Variants in VTI1A observed in about 807,000 individuals in gnomAD.
VTI1A encodes vesicle transport through interaction with t-SNAREs homolog 1A.
A neutral mutation model predicts 34.9 loss-of-function variants in VTI1A; 22 were observed. The observed-to-expected ratio is 0.63, with a 90% confidence interval of 0.45 to 0.90. The LOEUF is 0.90. Ranked by LOEUF, VTI1A falls within the 40% of genes least tolerant of loss-of-function variation. The pLI, the probability that VTI1A is intolerant of heterozygous loss-of-function variation, is 0.00. For synonymous variants in VTI1A, 87 were observed against 97.3 expected (o/e 0.89, Z 0.62); for missense variants, 268 against 275.6 (o/e 0.97, Z 0.20).
chr10:112,562,376 G>T (rs910793498), intron 5 of VTI1A, among the ~76,000 whole-genome samples: 14 of 152,164 alleles, frequency 9.2e-5, no homozygotes, highest in African/African-American at 3.4e-4. Flanking sequence ...GTTTATTTCT[G>T]AAAGTAAGTA....
intron 3 of VTI1A, among the ~76,000 whole-genome samples, chr10:112,490,299 A>C (rs1034332014): frequency 2.0e-5 from 3 of 152,274 alleles, no homozygotes; most frequent in African/African-American, 7.2e-5. Context: ...CGGTGATTAA[A>C]TAGCCATCTC....
intron 5 of VTI1A, among the ~76,000 whole-genome samples, chr10:112,612,829 G>A (rs1845369264): frequency 6.6e-6 from 1 of 152,144 alleles, no homozygotes; most frequent in Non-Finnish European, 1.5e-5. Context: ...TTATAATGAA[G>A]CATTTTCCTA....
At chr10:112,506,503 T>C (rs570804562) in intron 3 of VTI1A, among the ~76,000 whole-genome samples, 1 of 152,304 alleles carries the variant, frequency 6.6e-6, no homozygotes, top group East Asian at 1.9e-4. Flanking sequence ...GTCTTTGGGT[T>C]TTTGCAGTCT....
chr10:112,792,626 A>G (rs952590784), intron 7 of VTI1A, among the ~76,000 whole-genome samples: 2 of 152,224 alleles, frequency 1.3e-5, no homozygotes. Flanking sequence ...GAACTCTTCA[A>G]AAATCTGACT....
At chr10:112,719,618 C>T (rs1317026565) in intron 7 of VTI1A, among the ~76,000 whole-genome samples, 2 of 151,802 alleles carry the variant, frequency 1.3e-5, no homozygotes, top group African/African-American at 4.8e-5. Flanking sequence ...GCGATCTCGG[C>T]TCACCGCAAC....
At chr10:112,673,931 TA>T (rs35530763) in intron 7 of VTI1A, among the ~76,000 whole-genome samples, 18,965 of 152,234 alleles carry the variant, frequency 0.12, 1,223 homozygotes, top group Middle Eastern at 0.15. Context: ...AAGCTTTTTT[TA>T]AAAACTCATT....
chr10:112,710,544 T>C (rs1235320850), intron 7 of VTI1A, among the ~76,000 whole-genome samples: 1 of 152,236 alleles, frequency 6.6e-6, no homozygotes, highest in Non-Finnish European at 1.5e-5. Context: ...TTAGTGCTAC[T>C]GCAGAATAAT....
intron 3 of VTI1A, among the ~76,000 whole-genome samples, chr10:112,504,042 T>G (rs1466569794): frequency 5.9e-5 from 9 of 152,200 alleles, no homozygotes; most frequent in Non-Finnish European, 7.4e-5. Flanking sequence ...CTTAAACTCA[T>G]GCCTGAAATT....
intron 7 of VTI1A, among the ~76,000 whole-genome samples, chr10:112,749,448 C>T (rs1272386994): frequency 6.6e-6 from 1 of 152,184 alleles, no homozygotes; most frequent in African/African-American, 2.4e-5. Context: ...TCAGATCATC[C>T]CAACAAGGGT....
intron 7 of VTI1A, among the ~76,000 whole-genome samples, chr10:112,752,902 CT>C (rs1222389571): frequency 4.0e-5 from 6 of 150,934 alleles, no homozygotes; most frequent in Admixed American, 2.0e-4. Flanking sequence ...TACCAATGCC[CT>C]TTTTTTTTGT....
rs577817219 is a variant in VTI1A, at chr10:112,701,589, C to T, written c.560+32591C>T. ...TGCCAAATTTCCAAACCTCTAAGCA[C>T]GAAATCCTCAGCCTTCATTTCTTCA... On this transcript the variant is annotated intron_variant, in intron 7 of 7. Transcript: ENST00000393077. Among the ~76,000 whole-genome samples the T allele has an allele frequency of 8.5e-5, 13 of 152,282 alleles. No homozygotes were observed. The East Asian group carries it at 9.6e-4, about 11-fold the overall frequency.
At chr10:112,496,595 ATTAT>A (rs1368646411) in intron 3 of VTI1A, among the ~76,000 whole-genome samples, 1 of 152,116 alleles carries the variant, frequency 6.6e-6, no homozygotes, top group Non-Finnish European at 1.5e-5. Flanking sequence ...ATACATGAAG[ATTAT>A]TTAAGGCAAA....
intron 3 of VTI1A, among the ~76,000 whole-genome samples, chr10:112,498,811 A>C (rs1311273753): frequency 6.6e-6 from 1 of 152,114 alleles, no homozygotes; most frequent in African/African-American, 2.4e-5. Context: ...CAATTTTCTT[A>C]GAAATGCTGT....
chr10:112,834,429 ACAGT>A, the VTI1A span, among the ~76,000 whole-genome samples: 1 of 152,186 alleles, frequency 6.6e-6, no homozygotes, highest in Non-Finnish European at 1.5e-5. Context: ...CCCAATTCTG[ACAGT>A]CAGATGGGAT....
intron 5 of VTI1A, among the ~76,000 whole-genome samples, chr10:112,606,245 G>A (rs1033099789): frequency 6.6e-6 from 1 of 151,890 alleles, no homozygotes; most frequent in Non-Finnish European, 1.5e-5. Flanking sequence ...GGCTGGCCTC[G>A]AACTCCTGAC....
chr10:112,487,874 G>T (rs1331416637), intron 3 of VTI1A, among the ~76,000 whole-genome samples: 1 of 152,202 alleles, frequency 6.6e-6, no homozygotes, highest in Admixed American at 6.5e-5. Context: ...CAAATATTTT[G>T]GTAGTAGTTA....
At chr10:112,658,883 G>A (rs1200219162) in intron 5 of VTI1A, among the ~76,000 whole-genome samples, 1 of 152,158 alleles carries the variant, frequency 6.6e-6, no homozygotes. Context: ...TTGCCAACTG[G>A]TTCAAAAATG....
the VTI1A span, among the ~76,000 whole-genome samples, chr10:112,833,948 A>C: frequency 6.6e-6 from 1 of 152,164 alleles, no homozygotes; most frequent in African/African-American, 2.4e-5. Context: ...CCGTGAGCCA[A>C]TGAGAGACAA....
At position 112,482,121 on chromosome 10, in the gene VTI1A, C is replaced by T. The variant is rs574837232; in HGVS notation, c.264+17464C>T. 2.6e-5 allele frequency among the ~76,000 whole-genome samples: 4 copies of T among 152,078 alleles called. No individual in the cohort carries two copies. The South Asian group carries it at 8.3e-4, about 32-fold the overall frequency. On this transcript the variant is annotated intron_variant, in intron 3 of 7. Transcript: ENST00000393077. The stretch of plus-strand genomic sequence containing the variant: ...GGAAGACTTAGAAAAAAATACTATC[C>T]TGTGTCTTAAACAATTGCTATTTTA...
Sources: gnomAD v4.1 joint callset for allele counts (sites outside exome capture counted in the v4.1 genomes callset) on GRCh38, gnomAD v4.1.1 for gene constraint, MANE v1.5 for transcripts, NCBI Gene and HGNC (gene_info 2026-07-23, HGNC 2026-07-21) for gene names.